Variants in MACROD2 observed in about 807,000 individuals in gnomAD.
MACROD2 encodes ADP-ribose glycohydrolase MACROD2.
A neutral mutation model predicts 70.4 loss-of-function variants in MACROD2; 36 were observed. The observed-to-expected ratio is 0.51, with a 90% confidence interval of 0.39 to 0.68. The LOEUF (loss-of-function observed/expected upper bound fraction) is 0.68. Ranked by LOEUF, MACROD2 falls within the 30% of genes least tolerant of loss-of-function variation. The pLI is 0.00. For synonymous variants in MACROD2, 172 were observed against 178.8 expected, an observed-to-expected ratio of 0.96 and a Z score of 0.30; for missense variants, 496 against 538.4, an observed-to-expected ratio of 0.92 and a Z score of 0.78.
intron 3 of MACROD2, among the ~76,000 whole-genome samples, chr20:14,166,642 A>G (rs1023324695): frequency 6.6e-6 from 1 of 151,890 alleles, no homozygotes; most frequent in South Asian, 2.1e-4. Flanking sequence ...AATTTTTTTC[A>G]CTTTTATCAT....
chr20:14,140,166 A>C (rs1280860712), intron 3 of MACROD2, among the ~76,000 whole-genome samples: 1 of 152,202 alleles, frequency 6.6e-6, no homozygotes, highest in Admixed American at 6.5e-5. Context: ...ATTTAATGAA[A>C]TAAAAATACT....
chr20:15,517,442 C>T (rs556536254), intron 8 of MACROD2, among the ~76,000 whole-genome samples: 56 of 152,272 alleles, frequency 3.7e-4, no homozygotes, highest in African/African-American at 1.3e-3. Context: ...TACAATTCAT[C>T]GCTACTGGAA....
chr20:15,483,531 G>T lies in MACROD2; in HGVS notation c.572-16243G>T, dbSNP rs6034204. Among the ~76,000 whole-genome samples, 77 of 152,144 alleles carry T rather than the reference G, an allele frequency of 5.1e-4. 2 individuals are homozygous for T. The highest frequency in any genetic ancestry group is 2.6e-3 in the Admixed American group (39 of 15,284). On this transcript the variant is annotated intron_variant, in intron 7 of 17. Transcript: ENST00000684519. ...CCAATATTGTGTTGGCTATTCTGGG[G>T]CTTTTATCTCTCCACATAAACTTTA...
intron 5 of MACROD2, among the ~76,000 whole-genome samples, chr20:14,814,489 A>AT (rs2072751156): frequency 6.6e-6 from 1 of 152,048 alleles, no homozygotes; most frequent in Admixed American, 6.6e-5. Context: ...TGGTCTGTGG[A>AT]TATGTGAATA....
chr20:14,995,231 TG>T (rs2074939151), intron 5 of MACROD2, among the ~76,000 whole-genome samples: 1 of 152,162 alleles, frequency 6.6e-6, no homozygotes, highest in Admixed American at 6.5e-5. Flanking sequence ...TTACCTATTG[TG>T]TGTTTTATTT....
intron 7 of MACROD2, among the ~76,000 whole-genome samples, chr20:15,442,776 T>G (rs921925476): frequency 7.6e-6 from 1 of 131,524 alleles, no homozygotes; most frequent in Non-Finnish European, 1.7e-5. Context: ...AACAGGTTGC[T>G]CGTAGATAAA....
intron 3 of MACROD2, among the ~76,000 whole-genome samples, chr20:14,299,325 A>G (rs1355866314): frequency 6.6e-6 from 1 of 152,154 alleles, no homozygotes; most frequent in African/African-American, 2.4e-5. Context: ...ATATATACAT[A>G]TTTTAAAGAT....
chr20:15,256,170 C>T (rs1384131886), intron 6 of MACROD2, among the ~76,000 whole-genome samples: 1 of 152,046 alleles, frequency 6.6e-6, no homozygotes, highest in African/African-American at 2.4e-5. Context: ...AACAATTACA[C>T]AAAGTAATTC....
intron 9 of MACROD2, among the ~76,000 whole-genome samples, chr20:15,880,245 G>A (rs988604648): frequency 2.0e-5 from 3 of 152,058 alleles, no homozygotes; most frequent in African/African-American, 7.2e-5. Context: ...AACAGATCGG[G>A]TTAGTTGCAA....
intron 6 of MACROD2, among the ~76,000 whole-genome samples, chr20:15,269,271 T>G (rs2077324555): frequency 6.6e-6 from 1 of 152,238 alleles, no homozygotes; most frequent in South Asian, 2.1e-4. Context: ...ATGGCCAGGC[T>G]GGCCTGCCCA....
chr20:14,714,380 C>G (rs2071373328), intron 5 of MACROD2, among the ~76,000 whole-genome samples: 1 of 152,154 alleles, frequency 6.6e-6, no homozygotes. Flanking sequence ...CCCAGATCCA[C>G]TTTTGTCCCC....
At chr20:14,712,738 A>C (rs2071352588) in intron 5 of MACROD2, among the ~76,000 whole-genome samples, 1 of 152,156 alleles carries the variant, frequency 6.6e-6, no homozygotes, top group Admixed American at 6.6e-5. Flanking sequence ...CTAATCTCTC[A>C]ACTATTTTTT....
At chr20:16,008,440 C>CT (rs1440194748) in intron 15 of MACROD2, among the ~76,000 whole-genome samples, 1 of 152,222 alleles carries the variant, frequency 6.6e-6, no homozygotes, top group Non-Finnish European at 1.5e-5. Context: ...GCTTCAGCCC[C>CT]TGGCAACTCA....
chr20:15,583,905 C>A (rs1368889041), intron 8 of MACROD2, among the ~76,000 whole-genome samples: 1 of 152,196 alleles, frequency 6.6e-6, no homozygotes, highest in East Asian at 1.9e-4. Context: ...TCCCAAAGTG[C>A]CGGGATTACA....
intron 5 of MACROD2, among the ~76,000 whole-genome samples, chr20:14,737,909 C>T (rs192565438): frequency 2.6e-4 from 39 of 152,216 alleles, no homozygotes; most frequent in Admixed American, 1.4e-3. Context: ...TTTGGAAGAA[C>T]TGAAAGCTGG....
At chr20:15,879,257 A>G (rs922647620) in intron 9 of MACROD2, among the ~76,000 whole-genome samples, 8 of 152,126 alleles carry the variant, frequency 5.3e-5, no homozygotes, top group African/African-American at 1.9e-4. Context: ...CTCTGTGCCC[A>G]TGCTTCATCA....
At chr20:14,132,326 G>A (rs1391764162) in intron 3 of MACROD2, among the ~76,000 whole-genome samples, 1 of 151,600 alleles carries the variant, frequency 6.6e-6, no homozygotes, top group Non-Finnish European at 1.5e-5. Context: ...GGGCATACAG[G>A]CACGAGCCAC....
At chr20:15,522,598 A>G (rs1270904119) in intron 8 of MACROD2, among the ~76,000 whole-genome samples, 1 of 152,178 alleles carries the variant, frequency 6.6e-6, no homozygotes, top group African/African-American at 2.4e-5. Flanking sequence ...TTTCCTGAGG[A>G]CAAATTATAA....
At chr20:14,017,550 A>AT (rs2053011499) in intron 2 of MACROD2, among the ~76,000 whole-genome samples, 2 of 151,998 alleles carry the variant, frequency 1.3e-5, no homozygotes, top group African/African-American at 4.8e-5. Context: ...TGTAAAATGC[A>AT]TTTTCTATAT....
Sources: allele counts gnomAD v4.1 joint callset (sites outside exome capture counted in the v4.1 genomes callset), GRCh38; gene constraint gnomAD v4.1.1; transcripts MANE v1.5; gene names NCBI Gene and HGNC (gene_info 2026-07-23, HGNC 2026-07-21).